Variants in KCNG3 observed in about 807,000 individuals in gnomAD.
KCNG3 encodes voltage-gated potassium channel regulatory subunit KCNG3.
A neutral mutation model predicts 29.0 loss-of-function variants in KCNG3; 15 were observed. The observed-to-expected ratio is 0.52, with a 90% confidence interval of 0.35 to 0.80. The LOEUF (loss-of-function observed/expected upper bound fraction) is 0.80, where lower values mean the gene tolerates loss of function less well. Among genes scored for constraint, KCNG3 ranks in the 30% least tolerant of loss-of-function variants. KCNG3 has a pLI of 0.01. For synonymous variants in KCNG3, 322 were observed against 248.9 expected (o/e 1.29, Z -2.76); for missense variants, 512 against 605.7 (o/e 0.85, Z 1.62).
At chr2:42,425,665 T>C in the KCNG3 span, among the ~76,000 whole-genome samples, 1 of 152,132 alleles carries the variant, frequency 6.6e-6, no homozygotes, top group Non-Finnish European at 1.5e-5. Context: ...TAGGTACCCA[T>C]CATCATGACC....
intron 1 of KCNG3, among the ~76,000 whole-genome samples, chr2:42,470,739 G>A (rs1673264692): frequency 6.6e-6 from 1 of 151,938 alleles, no homozygotes; most frequent in South Asian, 2.1e-4. Flanking sequence ...AGCCAGACGT[G>A]GTGGCATATG....
At chr2:42,418,024 T>C in the KCNG3 span, among the ~76,000 whole-genome samples, 2 of 151,618 alleles carry the variant, frequency 1.3e-5, no homozygotes, top group Non-Finnish European at 2.9e-5. Context: ...AAAATATATA[T>C]ATACTGACAC....
the KCNG3 span, among the ~76,000 whole-genome samples, chr2:42,405,066 T>C: frequency 2.0e-5 from 3 of 152,266 alleles, no homozygotes; most frequent in African/African-American, 7.2e-5. Flanking sequence ...TAGCAAAATC[T>C]GATTCTCATC....
the KCNG3 span, among the ~76,000 whole-genome samples, chr2:42,405,117 C>A: frequency 6.6e-6 from 1 of 152,222 alleles, no homozygotes; most frequent in Non-Finnish European, 1.5e-5. Flanking sequence ...TTTGTAATCT[C>A]TGTAGTTAGG....
chr2:42,429,886 G>A, the KCNG3 span, among the ~76,000 whole-genome samples: 3 of 152,188 alleles, frequency 2.0e-5, no homozygotes, highest in Admixed American at 6.5e-5. Context: ...TGAGAGGCAG[G>A]AGGAAAGAGA....
At chr2:42,432,413 G>A in the KCNG3 span, among the ~76,000 whole-genome samples, 10 of 152,166 alleles carry the variant, frequency 6.6e-5, no homozygotes, top group South Asian at 2.1e-4. Context: ...TCCAGTTCCC[G>A]GAAATTCAGA....
At chr2:42,399,192 G>A in the KCNG3 span, among the ~76,000 whole-genome samples, 1 of 151,468 alleles carries the variant, frequency 6.6e-6, no homozygotes, top group Non-Finnish European at 1.5e-5. Context: ...GAGTAGCTGG[G>A]ACCATAGGCA....
the KCNG3 span, among the ~76,000 whole-genome samples, chr2:42,399,033 TTTC>T: frequency 6.6e-6 from 1 of 150,514 alleles, no homozygotes; most frequent in South Asian, 2.1e-4. Context: ...TTGTTCTTTT[TTTC>T]TTTTCTTTTT....
intron 1 of KCNG3, among the ~76,000 whole-genome samples, chr2:42,462,538 C>G (rs374550773): frequency 1.4e-3 from 211 of 152,142 alleles, no homozygotes; most frequent in African/African-American, 5.0e-3. Flanking sequence ...AAAAATTAGC[C>G]GGGCGTGGTG....
rs1672556379 is a variant in KCNG3 at position 42,444,657 on chromosome 2, C to A, written c.666-78G>T. The A allele has an allele frequency of 4.7e-6, 6 of 1,268,328 alleles. No homozygotes were observed. The highest frequency in any genetic ancestry group is 2.2e-5 in the Admixed American group (1 of 45,500). The allele number at this position is 1,268,328 out of a possible 1,614,324, so 78.6% of individuals were successfully genotyped here. On this transcript the variant is annotated intron_variant, in intron 1 of 1. Transcript: ENST00000306078. This position sits in a 1 kb window ranked among gnomAD's most constrained non-coding sequence, Gnocchi z 5.8. ...AGCTCTTAGATTTCTTCAGATAGTA[C>A]TACACTGACATACTAATTCAGTTAC...
downstream of KCNG3, among the ~76,000 whole-genome samples, chr2:42,439,952 T>C (rs1173194640): frequency 2.6e-5 from 4 of 152,144 alleles, no homozygotes; most frequent in Non-Finnish European, 4.4e-5. Context: ...CAAGAAAATA[T>C]TTTTAAAAGA....
At chr2:42,472,838 ATATC>A (rs1276563725) in intron 1 of KCNG3, among the ~76,000 whole-genome samples, 16 of 147,052 alleles carry the variant, frequency 1.1e-4, no homozygotes, top group Non-Finnish European at 1.6e-4. Flanking sequence ...CTATATATAG[ATATC>A]TATGTAAATA....
the KCNG3 span, among the ~76,000 whole-genome samples, chr2:42,411,185 G>A: frequency 6.6e-6 from 1 of 151,782 alleles, no homozygotes; most frequent in African/African-American, 2.4e-5. Flanking sequence ...CATTTTTGAG[G>A]GCTAAGTGTT....
intron 1 of KCNG3, among the ~76,000 whole-genome samples, chr2:42,476,450 C>T (rs1273530246): frequency 1.3e-5 from 2 of 151,806 alleles, no homozygotes; most frequent in African/African-American, 2.4e-5. Context: ...GTAATCCAGC[C>T]TGGACAACAG....
chr2:42,460,729 A>C (rs1391911630), intron 1 of KCNG3, among the ~76,000 whole-genome samples: 1 of 152,194 alleles, frequency 6.6e-6, no homozygotes, highest in Non-Finnish European at 1.5e-5. Flanking sequence ...TACATAGATT[A>C]AACAGGTACA....
chr2:42,437,554 T>G (rs955846173), downstream of KCNG3, among the ~76,000 whole-genome samples: 3 of 152,214 alleles, frequency 2.0e-5, no homozygotes, highest in Admixed American at 6.5e-5. Context: ...GATTTGCATT[T>G]TACTTCAGAG....
chr2:42,406,708 T>C, the KCNG3 span, among the ~76,000 whole-genome samples: 1 of 151,134 alleles, frequency 6.6e-6, no homozygotes, highest in East Asian at 2.0e-4. Context: ...ATGCCTGTAA[T>C]CCCAGATACT....
At chr2:42,452,770 G>GTGTGT (rs1672792816) in intron 1 of KCNG3, among the ~76,000 whole-genome samples, 1 of 150,104 alleles carries the variant, frequency 6.7e-6, no homozygotes, top group Non-Finnish European at 1.5e-5. Context: ...CATTCAACTG[G>GTGTGT]GTGTGTGTGT....
chr2:42,416,277 T>G, the KCNG3 span, among the ~76,000 whole-genome samples: 1 of 152,172 alleles, frequency 6.6e-6, no homozygotes, highest in Non-Finnish European at 1.5e-5. Flanking sequence ...TTCTACTGCA[T>G]AGCAAGATGA....
Sources: gnomAD v4.1 joint callset for allele counts (sites outside exome capture counted in the v4.1 genomes callset) on GRCh38, gnomAD v4.1.1 for gene constraint, Gnocchi (gnomAD v3.1) non-coding constraint, MANE v1.5 for transcripts, NCBI Gene and HGNC (gene_info 2026-07-23, HGNC 2026-07-21) for gene names.